TCF24: variants seen among roughly 807,000 people sequenced by gnomAD.
The protein encoded by TCF24 is transcription factor 24.
In TCF24, 5 loss-of-function variants were observed where a neutral mutation model predicts 9.3. That is an observed-to-expected ratio of 0.54 (90% CI 0.28 to 1.13). TCF24 has a LOEUF of 1.13. Among genes scored for constraint, TCF24 ranks in the 50% most tolerant of loss-of-function variants. The probability of loss-of-function intolerance (pLI) is 0.09; values close to 1 mark genes in which losing one functional copy is unlikely to be tolerated. For synonymous variants in TCF24, 110 were observed against 115.8 expected (o/e 0.95, Z 0.32); for missense variants, 220 against 236.1 (o/e 0.93, Z 0.45).
chr8:66,954,391 C>G (rs1814114295), intron 3 of TCF24, among the ~76,000 whole-genome samples: 1 of 152,026 alleles, frequency 6.6e-6, no homozygotes, highest in Non-Finnish European at 1.5e-5. Context: ...GGGGTGCCTC[C>G]CAGTTAGGCT....
chr8:66,955,420 T>C (rs1026410771), intron 3 of TCF24, among the ~76,000 whole-genome samples: 1 of 151,876 alleles, frequency 6.6e-6, no homozygotes, highest in East Asian at 1.9e-4. Context: ...GTCAGCAATC[T>C]GGTCCCACAC....
At chr8:66,948,910 G>A (rs146161582) in intron 3 of TCF24, among the ~76,000 whole-genome samples, 325 of 152,102 alleles carry the variant, frequency 2.1e-3, no homozygotes, top group African/African-American at 7.5e-3. Flanking sequence ...TGTCCACGTC[G>A]GTCTTGAACT....
chr8:66,950,568 A>T (rs1484657382), intron 3 of TCF24, among the ~76,000 whole-genome samples: 1 of 151,374 alleles, frequency 6.6e-6, no homozygotes, highest in Non-Finnish European at 1.5e-5. Flanking sequence ...TGCCTTGGCG[A>T]TGCGGGCTCT....
In TCF24 at chr8:66,961,422, G is replaced by C. The variant is rs763592980; in HGVS notation, c.344C>G (p.Ala115Gly). ...ATCGCCGCGCAGGGCGCCCAACCCG[G>C]CGTCCGCCGGCGCCTCGGCGTCGTC... Reference protein sequence around the residue: ...LQDDAEAPADAGLGALRGDGY... With the variant: ...LQDDAEAPADGGLGALRGDGY... Residue 115 changes from alanine (A) to glycine (G), a missense_variant, in exon 3 of 4, where the codon GCC becomes GGC. Coordinates refer to ENST00000563496, the MANE Select transcript of TCF24 (RefSeq NM_001193502.2). 3.3e-6 allele frequency: 5 copies of C among 1,518,244 alleles called. No homozygotes were observed. Among genetic ancestry groups the C allele is most frequent in the Non-Finnish European group, 3.5e-6 (4 of 1,139,484 alleles). 94.0% of individuals were successfully genotyped at this position (1,518,244 alleles called of 1,614,324 possible).
intron 3 of TCF24, among the ~76,000 whole-genome samples, chr8:66,954,670 A>T (rs1814122132): frequency 6.6e-6 from 1 of 152,236 alleles, no homozygotes; most frequent in Non-Finnish European, 1.5e-5. Flanking sequence ...AGCCTGGGCA[A>T]TGGCGGGCGC....
chr8:66,949,144 T>A (rs557367946), intron 3 of TCF24, among the ~76,000 whole-genome samples: 1 of 152,066 alleles, frequency 6.6e-6, no homozygotes, highest in Non-Finnish European at 1.5e-5. Context: ...AGGGTACATG[T>A]GCACATTGTG....
intron 3 of TCF24, among the ~76,000 whole-genome samples, chr8:66,959,920 T>C (rs1367302912): frequency 6.6e-6 from 1 of 152,200 alleles, no homozygotes; most frequent in East Asian, 1.9e-4. Flanking sequence ...GAAATGATGC[T>C]TCCAACATTA....
At position 66,961,478 on chromosome 8, in the gene TCF24, G is replaced by A. The variant is rs1270952686; in HGVS notation, c.288C>T (p.Thr96=). ...GGCTGCGGGTGAGATGCGCGATGTAGGTGGTGGCCAGCAGCAGCACGTCCA... is the reference window on the plus strand; with the variant it reads ...GGCTGCGGGTGAGATGCGCGATGTAAGTGGTGGCCAGCAGCAGCACGTCCA... The part of the protein sequence containing the change: ...SKLDVLLLAT[T]YIAHLTRSLQ... The change falls in exon 3 of 4, where the codon ACC becomes ACT. Residue 96 remains threonine (T), a synonymous_variant. Transcript: ENST00000563496. 1 of 1,528,028 alleles carries A rather than the reference G, an allele frequency of 6.5e-7. No individual in the cohort carries two copies. Among genetic ancestry groups the A allele is most frequent in the South Asian group, 1.2e-5 (1 of 83,052 alleles). The allele number at this position is 1,528,028 out of a possible 1,614,324, so 94.7% of individuals were successfully genotyped here. A position where few individuals can be genotyped will look rare whatever the true frequency, so the allele number is the denominator to read the frequency against.
At chr8:66,953,763 A>G (rs1264413978) in intron 3 of TCF24, among the ~76,000 whole-genome samples, 1 of 152,054 alleles carries the variant, frequency 6.6e-6, no homozygotes, top group Non-Finnish European at 1.5e-5. Context: ...CTTTTCACAT[A>G]GTCCCATATT....
At chr8:66,959,139 A>T (rs1195593663) in intron 3 of TCF24, among the ~76,000 whole-genome samples, 1 of 152,212 alleles carries the variant, frequency 6.6e-6, no homozygotes, top group African/African-American at 2.4e-5. Flanking sequence ...AATTCTTAGT[A>T]GAGAGGAAGT....
At chr8:66,953,844 T>C (rs1480409667) in intron 3 of TCF24, among the ~76,000 whole-genome samples, 4 of 152,032 alleles carry the variant, frequency 2.6e-5, no homozygotes, top group African/African-American at 9.7e-5. Context: ...ATTTCATTCA[T>C]TTCATCTTCC....
At chr8:66,956,473 C>T (rs1814154015) in intron 3 of TCF24, among the ~76,000 whole-genome samples, 1 of 152,170 alleles carries the variant, frequency 6.6e-6, no homozygotes, top group African/African-American at 2.4e-5. Flanking sequence ...AGTGATTCTC[C>T]TGCCTGAGCC....
chr8:66,949,373 C>A (rs867796165), intron 3 of TCF24, among the ~76,000 whole-genome samples: 2 of 151,588 alleles, frequency 1.3e-5, no homozygotes, highest in African/African-American at 4.9e-5. Context: ...TTTGTTCTTG[C>A]GATAGTTTAC....
Position 66,961,924 on chromosome 8 carries a change from C to G in TCF24, c.-71G>C. The G allele has an allele frequency of 1.8e-6, 1 of 541,074 alleles. No individual in the cohort carries two copies. Among genetic ancestry groups the G allele is most frequent in the South Asian group, 8.1e-5 (1 of 12,296 alleles). 33.5% of individuals were successfully genotyped at this position (541,074 alleles called of 1,614,324 possible). A position where few individuals can be genotyped will look rare whatever the true frequency, so the allele number is the denominator to read the frequency against. ...GCGCTCTCAAGCGAGCTCGTTTTGC[C>G]TGGGACGCGATTTGCTTCCGGACGT... On this transcript the variant is annotated 5_prime_UTR_variant, in exon 2 of 4. Transcript: ENST00000563496.
chr8:66,948,654 A>ACTATCTATCTATCTATCTAT (rs10524696), intron 3 of TCF24, among the ~76,000 whole-genome samples: 12 of 146,648 alleles, frequency 8.2e-5, no homozygotes, highest in East Asian at 2.0e-4. Context: ...AAAAGTGTCA[A>ACTATCTATCTATCTATCTAT]CTATCTATCT....
chr8:66,958,847 T>G (rs1814209960), intron 3 of TCF24, among the ~76,000 whole-genome samples: 1 of 152,250 alleles, frequency 6.6e-6, no homozygotes, highest in Admixed American at 6.5e-5. Context: ...TCTTAGCGAA[T>G]CACTGCCTTT....
Position 66,951,977 on chromosome 8 carries a change from TTCTC to T in TCF24, c.391-3817_391-3814del, listed in dbSNP as rs374869582. 4.8e-5 allele frequency among the ~76,000 whole-genome samples: 7 copies of T among 147,176 alleles called. No individual in the cohort carries two copies. In the South Asian group the frequency reaches 8.9e-4, roughly 19 times the overall value. ...ATTTTTTATTGTGTCTATTTGATTC[TTCTC>T]TCTTTTTTTCTTTATTAGTCTTGCT... On this transcript the variant is annotated intron_variant, in intron 3 of 3. Coordinates refer to ENST00000563496, the MANE Select transcript of TCF24 (RefSeq NM_001193502.2).
chr8:66,961,223 A>G (rs1212679780), intron 3 of TCF24, among the ~76,000 whole-genome samples, 153 bp downstream of exon 3: 2 of 152,110 alleles, frequency 1.3e-5, no homozygotes, highest in African/African-American at 2.4e-5. Flanking sequence ...GGACCTTGCC[A>G]CCAGTACCCT....
At chr8:66,955,653 TTAAA>T (rs1407699251) in intron 3 of TCF24, among the ~76,000 whole-genome samples, 1 of 152,222 alleles carries the variant, frequency 6.6e-6, no homozygotes, top group East Asian at 1.9e-4. Context: ...CCAGAGAGCT[TTAAA>T]TAAATACTGA....
Sources: allele counts gnomAD v4.1 joint callset (sites outside exome capture counted in the v4.1 genomes callset), GRCh38; gene constraint gnomAD v4.1.1; transcripts MANE v1.5; gene names NCBI Gene and HGNC (gene_info 2026-07-23, HGNC 2026-07-21).